The following NDC1 variants were observed in gnomAD, a reference collection of about 807,000 sequenced individuals.
NDC1 encodes nucleoporin NDC1.
NDC1 carries 24 observed loss-of-function variants against 89.8 expected under a neutral mutation model. The ratio of observed to expected loss-of-function variants is 0.27; its 90% CI spans 0.19 to 0.38. The LOEUF (loss-of-function observed/expected upper bound fraction) is 0.38, where lower values mean the gene tolerates loss of function less well. NDC1 is among the 10% of genes least tolerant of loss of function. The pLI is 1.00. For synonymous variants in NDC1, 296 were observed against 284.8 expected (o/e 1.04, Z -0.39); for missense variants, 728 against 797.6 (o/e 0.91, Z 1.05).
At chr1:53,776,945 C>T (rs1004090176) in intron 16 of NDC1, among the ~76,000 whole-genome samples, 5 of 151,956 alleles carry the variant, frequency 3.3e-5, no homozygotes, top group African/African-American at 1.2e-4. Flanking sequence ...TGAAAATGTA[C>T]AATCACTAGA....
Position 53,836,472 on chromosome 1 carries a change from A to C in NDC1, c.58-852T>G, listed in dbSNP as rs556625599. On this transcript the variant is annotated intron_variant, in intron 1 of 17. Coordinates refer to ENST00000371429, the MANE Select transcript of NDC1 (RefSeq NM_018087.5). ...CTAACAAAAAAAAAAAAAAAAAAGA[A>C]TAAAGTTGAACTCCTATCCCACATT... 4.3e-4 allele frequency among the ~76,000 whole-genome samples: 65 copies of C among 151,344 alleles called. 1 individual carries two copies. Among genetic ancestry groups the C allele is most frequent in the Non-Finnish European group, 1.8e-4 (12 of 67,874 alleles).
intron 13 of NDC1, 121 bp from the exon 14 acceptor site, chr1:53,793,400 T>G: frequency 2.6e-6 from 2 of 779,572 alleles, no homozygotes; most frequent in Non-Finnish European, 4.4e-6. Flanking sequence ...TCACATCTTG[T>G]GGGCAAAGAA....
chr1:53,794,809 A>G (rs1398448271), intron 13 of NDC1, among the ~76,000 whole-genome samples: 1 of 152,144 alleles, frequency 6.6e-6, no homozygotes, highest in South Asian at 2.1e-4. Context: ...CGGGAGTTCA[A>G]GGCTGCAGTG....
Position 53,837,765 on chromosome 1 carries a change from T to A in NDC1, c.57+440A>T, listed in dbSNP as rs917891703. On this transcript the variant is annotated intron_variant, in intron 1 of 17. Transcript: ENST00000371429. Reference sequence around the variant, plus strand: ...GGAAGTACTATTCCACTCAGCTCAGTCCCATTCTACCTTACAAAGAACACC... The same window carrying A: ...GGAAGTACTATTCCACTCAGCTCAGACCCATTCTACCTTACAAAGAACACC... Among the ~76,000 whole-genome samples, 9 of 152,266 alleles carry A rather than the reference T, an allele frequency of 5.9e-5. 1 individual carries two copies. Among genetic ancestry groups the A allele is most frequent in the African/African-American group, 1.9e-4 (8 of 41,550 alleles).
At chr1:53,837,721 A>C (rs1649283283) in intron 1 of NDC1, among the ~76,000 whole-genome samples, 1 of 152,174 alleles carries the variant, frequency 6.6e-6, no homozygotes, top group African/African-American at 2.4e-5. Flanking sequence ...TAGTACTGTT[A>C]ATTCCGTAAC....
At chr1:53,796,384 T>C (rs1189472501) in intron 13 of NDC1, among the ~76,000 whole-genome samples, 3 of 152,150 alleles carry the variant, frequency 2.0e-5, no homozygotes, top group Non-Finnish European at 2.9e-5. Context: ...TTCCCCTCAC[T>C]CGAATGTAAA....
intron 5 of NDC1, among the ~76,000 whole-genome samples, chr1:53,820,737 G>C (rs184240433): frequency 1.7e-5 from 2 of 119,216 alleles, no homozygotes; most frequent in Admixed American, 1.0e-4. Flanking sequence ...GGAGATAAGA[G>C]TCTTGCTCTG....
intron 3 of NDC1, among the ~76,000 whole-genome samples, chr1:53,828,738 A>G (rs1039282337): frequency 1.3e-5 from 2 of 152,102 alleles, no homozygotes; most frequent in African/African-American, 4.8e-5. Flanking sequence ...CAGCCTCCCA[A>G]GTAGCTGGGA....
chr1:53,791,351 G>A (rs952809450), intron 14 of NDC1, among the ~76,000 whole-genome samples: 2 of 151,826 alleles, frequency 1.3e-5, no homozygotes, highest in Non-Finnish European at 2.9e-5. Flanking sequence ...CTTGGGAGGC[G>A]GAGCTTGCAG....
intron 16 of NDC1, among the ~76,000 whole-genome samples, chr1:53,782,121 A>G (rs1221134155): frequency 6.6e-6 from 1 of 152,158 alleles, no homozygotes; most frequent in Non-Finnish European, 1.5e-5. Flanking sequence ...GTTCTAGACA[A>G]AAAAGGAAAG....
chr1:53,826,602 T>C (rs1273512253), intron 4 of NDC1, among the ~76,000 whole-genome samples: 4 of 152,340 alleles, frequency 2.6e-5, no homozygotes, highest in African/African-American at 9.6e-5. Flanking sequence ...CCTATCATTT[T>C]ACAATAGCTT....
At chr1:53,792,728 A>G (rs186104502) in intron 14 of NDC1, among the ~76,000 whole-genome samples, 1 of 152,354 alleles carries the variant, frequency 6.6e-6, no homozygotes, top group East Asian at 1.9e-4. Flanking sequence ...AGCTTCTACA[A>G]CTGAGATTTA....
At chr1:53,827,956 GTAAGTAAATGAGATTCC>G (rs1648925915) in intron 4 of NDC1, 26 bp downstream of exon 4, 1 of 1,480,258 alleles carries the variant, frequency 6.8e-7, no homozygotes, top group African/African-American at 1.4e-5. Context: ...CTTTGGCTTA[GTAAGTAAATGAGATTCC>G]TAAGGAAATA....
intron 10 of NDC1, among the ~76,000 whole-genome samples, chr1:53,802,164 C>G (rs1647943640): frequency 6.6e-6 from 1 of 152,152 alleles, no homozygotes; most frequent in African/African-American, 2.4e-5. Context: ...TAACTCAAAT[C>G]TGATAGAAAA....
At chr1:53,775,307 A>G (rs1277799056) in intron 16 of NDC1, among the ~76,000 whole-genome samples, 1 of 152,052 alleles carries the variant, frequency 6.6e-6, no homozygotes, top group East Asian at 1.9e-4. Flanking sequence ...CCCAGGCTGG[A>G]GTACAGTAGT....
intron 11 of NDC1, among the ~76,000 whole-genome samples, chr1:53,797,693 A>T (rs951281486): frequency 3.9e-5 from 6 of 152,042 alleles, no homozygotes; most frequent in African/African-American, 1.4e-4. Flanking sequence ...GCAGTGGTGT[A>T]ATCTCGGCTC....
intron 8 of NDC1, 127 bp downstream of exon 8, chr1:53,807,529 C>T (rs536167021): frequency 1.5e-6 from 1 of 670,370 alleles, no homozygotes; most frequent in East Asian, 3.1e-5. Flanking sequence ...CCAAGAGTCT[C>T]AGAAGAGAGA....
At chr1:53,779,008 T>A (rs145125687) in intron 16 of NDC1, among the ~76,000 whole-genome samples, 2 of 149,400 alleles carry the variant, frequency 1.3e-5, no homozygotes, top group African/African-American at 2.5e-5. Flanking sequence ...TTGGGCATAG[T>A]GGTGCGTGCC....
intron 10 of NDC1, among the ~76,000 whole-genome samples, chr1:53,801,098 A>AC (rs1557577267): frequency 6.6e-6 from 1 of 152,016 alleles, no homozygotes; most frequent in Non-Finnish European, 1.5e-5. Context: ...CCAAAAAAAA[A>AC]AAAAAACAAA....
Sources: allele counts gnomAD v4.1 joint callset (sites outside exome capture counted in the v4.1 genomes callset), GRCh38; gene constraint gnomAD v4.1.1; transcripts MANE v1.5; gene names NCBI Gene and HGNC (gene_info 2026-07-23, HGNC 2026-07-21).